GPC5: variants seen among roughly 807,000 people sequenced by gnomAD.
The protein encoded by GPC5 is glypican-5.
In GPC5, 47 loss-of-function variants were observed where a neutral mutation model predicts 53.9. The observed-to-expected ratio is 0.87, with a 90% CI of 0.69 to 1.11. The LOEUF is 1.11. Ranked by LOEUF, GPC5 falls within the 50% of genes most tolerant of loss-of-function variation. The pLI is 0.00. For synonymous variants in GPC5, 286 were observed against 263.3 expected, an observed-to-expected ratio of 1.09 and a Z score of -0.84; for missense variants, 748 against 713.1, an observed-to-expected ratio of 1.05 and a Z score of -0.56.
chr13:92,226,721 C>T (rs890382260), intron 7 of GPC5, among the ~76,000 whole-genome samples: 1 of 151,662 alleles, frequency 6.6e-6, no homozygotes, highest in African/African-American at 2.4e-5. Flanking sequence ...TCCCCAGTCT[C>T]CCGAGCAGCT....
intron 6 of GPC5, among the ~76,000 whole-genome samples, chr13:92,095,767 T>A (rs2041417666): frequency 6.6e-6 from 1 of 152,144 alleles, no homozygotes; most frequent in East Asian, 1.9e-4. Flanking sequence ...ATTCCTGACC[T>A]CGTGATCTGC....
chr13:92,352,415 A>G (rs1472592826), intron 7 of GPC5, among the ~76,000 whole-genome samples: 1 of 152,150 alleles, frequency 6.6e-6, no homozygotes, highest in Non-Finnish European at 1.5e-5. Flanking sequence ...TGTTATCATA[A>G]ACTAAGCAAG....
intron 7 of GPC5, among the ~76,000 whole-genome samples, chr13:92,672,799 C>T (rs372825226): frequency 3.9e-5 from 6 of 152,256 alleles, no homozygotes; most frequent in East Asian, 1.9e-4. Flanking sequence ...AACCAAACAC[C>T]GCATGTTCTC....
chr13:92,799,977 C>T (rs541698801), intron 7 of GPC5, among the ~76,000 whole-genome samples: 3 of 151,916 alleles, frequency 2.0e-5, no homozygotes, highest in East Asian at 1.9e-4. Context: ...AGCTAGTTCT[C>T]ACCTTACTAT....
chr13:92,266,817 T>TA (rs1289783941), intron 7 of GPC5, among the ~76,000 whole-genome samples: 1 of 152,162 alleles, frequency 6.6e-6, no homozygotes. Context: ...TGATTCTTAC[T>TA]AATGATAGTG....
intron 7 of GPC5, among the ~76,000 whole-genome samples, chr13:92,225,303 G>T (rs2042477360): frequency 6.6e-6 from 1 of 152,112 alleles, no homozygotes; most frequent in Non-Finnish European, 1.5e-5. Context: ...TAAGCTATTT[G>T]AATGTGTAGA....
At chr13:92,180,978 A>G (rs955968940) in intron 7 of GPC5, 2 of 153,380 alleles carry the variant, frequency 1.3e-5, no homozygotes, top group African/African-American at 4.8e-5. Context: ...CTAAAATTGT[A>G]TATGAATTGT....
At chr13:91,532,459 A>T (rs1289580258) in intron 2 of GPC5, among the ~76,000 whole-genome samples, 1 of 152,212 alleles carries the variant, frequency 6.6e-6, no homozygotes, top group Admixed American at 6.5e-5. Flanking sequence ...TTCATTTTCC[A>T]TGGATCTTGG....
intron 7 of GPC5, among the ~76,000 whole-genome samples, chr13:92,208,333 CT>C (rs1359472070): frequency 3.3e-5 from 5 of 152,230 alleles, no homozygotes; most frequent in Admixed American, 3.3e-4. Flanking sequence ...CATTCCCTTT[CT>C]CCCAGACCTA....
intron 5 of GPC5, among the ~76,000 whole-genome samples, chr13:91,896,829 G>T (rs1166484354): frequency 6.6e-6 from 1 of 152,164 alleles, no homozygotes. Context: ...GCTGTTTTCT[G>T]TGTAACTGAG....
intron 5 of GPC5, among the ~76,000 whole-genome samples, chr13:91,825,645 A>G (rs1421067564): frequency 6.6e-6 from 1 of 152,112 alleles, no homozygotes; most frequent in African/African-American, 2.4e-5. Context: ...CCCTGAAGAA[A>G]AGAACTATAC....
chr13:91,679,005 A>G (rs1268776323), intron 2 of GPC5, among the ~76,000 whole-genome samples: 1 of 152,144 alleles, frequency 6.6e-6, no homozygotes, highest in Non-Finnish European at 1.5e-5. Context: ...TTGTATTTTA[A>G]TAAATAAATG....
chr13:92,357,877 G>A (rs760551626), intron 7 of GPC5, among the ~76,000 whole-genome samples: 1 of 151,138 alleles, frequency 6.6e-6, no homozygotes, highest in African/African-American at 2.5e-5. Flanking sequence ...TGAGATATGG[G>A]GGGGGACACA....
chr13:91,816,814 T>A (rs2038407051), intron 5 of GPC5, among the ~76,000 whole-genome samples: 1 of 152,070 alleles, frequency 6.6e-6, no homozygotes, highest in African/African-American at 2.4e-5. Flanking sequence ...GGATTAGACT[T>A]GAGGTTAGCA....
chr13:91,784,568 T>C (rs1274067147), intron 5 of GPC5, among the ~76,000 whole-genome samples: 2 of 151,950 alleles, frequency 1.3e-5, no homozygotes, highest in Non-Finnish European at 2.9e-5. Context: ...CTACTAAAAA[T>C]ACAAAATTAG....
intron 2 of GPC5, among the ~76,000 whole-genome samples, chr13:91,665,284 C>G (rs183310034): frequency 6.6e-6 from 1 of 152,140 alleles, no homozygotes; most frequent in Admixed American, 6.5e-5. Flanking sequence ...ATACTTAGTA[C>G]TTCTTTATGT....
intron 7 of GPC5, among the ~76,000 whole-genome samples, chr13:92,547,467 G>A (rs867359367): frequency 6.6e-6 from 1 of 152,034 alleles, no homozygotes. Flanking sequence ...AGATGTGGAC[G>A]GAAGGAAGTC....
intron 6 of GPC5, among the ~76,000 whole-genome samples, chr13:92,052,272 C>T (rs921752824): frequency 2.0e-5 from 3 of 152,136 alleles, no homozygotes; most frequent in African/African-American, 7.2e-5. Context: ...GGGGTTGGTT[C>T]CTTCTGGTGG....
At chr13:91,915,845 G>T (rs1594661018) in intron 6 of GPC5, among the ~76,000 whole-genome samples, 1 of 152,188 alleles carries the variant, frequency 6.6e-6, no homozygotes, top group East Asian at 1.9e-4. Context: ...AAAGGTAAGT[G>T]TTCAGCATTT....
Sources: gnomAD v4.1 joint callset for allele counts (sites outside exome capture counted in the v4.1 genomes callset) on GRCh38, gnomAD v4.1.1 for gene constraint, MANE v1.5 for transcripts, NCBI Gene and HGNC (gene_info 2026-07-23, HGNC 2026-07-21) for gene names.